Variants in STX5 observed in about 807,000 individuals in gnomAD.
STX5 encodes syntaxin-5.
In STX5, 15 loss-of-function variants were observed where a neutral mutation model predicts 42.9. That is an observed-to-expected ratio of 0.35 (90% CI 0.23 to 0.54). The LOEUF (loss-of-function observed/expected upper bound fraction) is 0.54. Ranked by LOEUF, STX5 falls within the 20% of genes least tolerant of loss-of-function variation. The probability of loss-of-function intolerance (pLI) is 0.91; values close to 1 mark genes in which losing one functional copy is unlikely to be tolerated. For synonymous variants in STX5, 184 were observed against 173.2 expected, an observed-to-expected ratio of 1.06 and a Z score of -0.49; for missense variants, 430 against 455.0, an observed-to-expected ratio of 0.95 and a Z score of 0.50.
Position 62,824,498 on chromosome 11 carries a change from G to A in STX5, c.747C>T (p.Asp249=). The stretch of plus-strand genomic sequence containing the variant: ...GCTGCAGCTGCTGGCTGGTCCGAGA[G>A]TCCATCATGTCGATGGCGACATCCT... ...ASKDVAIDMM[D]SRTSQQLQLI... is the part of the protein sequence containing the mutation. Residue 249 remains aspartate (D), a synonymous_variant, in exon 9 of 11, where the codon GAC becomes GAT. Transcript: ENST00000294179. The A allele has an allele frequency of 6.2e-7, 1 of 1,614,188 alleles. No individual in the cohort carries two copies. The highest frequency in any genetic ancestry group is 8.5e-7 in the Non-Finnish European group (1 of 1,180,038).
chr11:62,830,925 C>T (rs2084850141), intron 2 of STX5, 94 bp downstream of exon 2: 5 of 1,157,058 alleles, frequency 4.3e-6, no homozygotes, highest in Non-Finnish European at 6.3e-6. Flanking sequence ...CATCAGGTAC[C>T]CCCCAAAATT....
chr11:62,807,794 T>G, intron 10 of STX5, 166 bp from the exon 11 acceptor site: 1 of 1,339,366 alleles, frequency 7.5e-7, no homozygotes. Flanking sequence ...AAGTTATTTC[T>G]GGTTTGAAAA....
chr11:62,807,830 G>A (rs2084569843), intron 10 of STX5: 1 of 956,834 alleles, frequency 1.0e-6, no homozygotes, highest in Non-Finnish European at 1.5e-6. Flanking sequence ...ATTAGCTTAA[G>A]ACTCTAAGTT....
intron 10 of STX5, among the ~76,000 whole-genome samples, chr11:62,823,006 C>G (rs1441099262): frequency 6.6e-6 from 1 of 152,112 alleles, no homozygotes; most frequent in Non-Finnish European, 1.5e-5. Flanking sequence ...TTGATTCTTG[C>G]TATGGTGAGA....
chr11:62,827,009 C>T, intron 5 of STX5, 146 bp downstream of exon 5: 1 of 681,606 alleles, frequency 1.5e-6, no homozygotes, highest in Non-Finnish European at 2.5e-6. Flanking sequence ...TAGGTCACAC[C>T]ACTACACTCC....
rs747098948 is a variant in STX5 at position 62,825,011 on chromosome 11, G to A, written c.679+25C>T. The A allele has an allele frequency of 1.6e-5, 25 of 1,611,694 alleles. No homozygotes were observed. In the East Asian group the frequency reaches 5.3e-4, roughly 34 times the overall value. The stretch of plus-strand genomic sequence containing the variant: ...AGAGTAAGTAACCTTACCTCCCAGG[G>A]CTCCCCGTTTTACCTGTGACTTACC... On this transcript the variant is annotated intron_variant, in intron 8 of 10. Coordinates refer to ENST00000294179, the MANE Select transcript of STX5 (RefSeq NM_003164.5).
At chr11:62,829,142 C>T (rs1304476848) in intron 2 of STX5, among the ~76,000 whole-genome samples, 2 of 152,046 alleles carry the variant, frequency 1.3e-5, no homozygotes, top group Non-Finnish European at 2.9e-5. Context: ...AAAACACTCC[C>T]GGCTGGGTAC....
intron 10 of STX5, among the ~76,000 whole-genome samples, chr11:62,809,375 T>C (rs11231227): frequency 0.084 from 12,603 of 150,034 alleles, 655 homozygotes; most frequent in East Asian, 0.15. Context: ...ATTTTCTTAG[T>C]TTGAAAATGA....
chr11:62,807,229 A>T lies in STX5; in HGVS notation c.*240T>A. 2.3e-6 allele frequency: 1 copy of T among 441,420 alleles called. No homozygotes were observed. The highest frequency in any genetic ancestry group is 3.8e-6 in the Non-Finnish European group (1 of 259,884). 27.3% of individuals were successfully genotyped at this position (441,420 alleles called of 1,614,324 possible). A position where few individuals can be genotyped will look rare whatever the true frequency, so the allele number is the denominator to read the frequency against. On this transcript the variant is annotated 3_prime_UTR_variant, in exon 11 of 11. Transcript: ENST00000294179. ...AGCTGGCCTCTGCTCCCTTCCAGTC[A>T]CTTCACAGCAGAGTTCAAATCTAGA...
At chr11:62,818,880 A>ACAACTGTATATCCAGAATTCTATATC (rs2084705693) in intron 10 of STX5, among the ~76,000 whole-genome samples, 1 of 151,278 alleles carries the variant, frequency 6.6e-6, no homozygotes, top group Non-Finnish European at 1.5e-5. Context: ...AAAAGAAAAA[A>ACAACTGTATATCCAGAATTCTATATC]CAACTGTATA....
Position 62,824,298 on chromosome 11 carries a change from G to A in STX5, c.787-11C>T. 1 of 1,614,192 alleles carries A rather than the reference G, an allele frequency of 6.2e-7. No individual in the cohort carries two copies. The highest frequency in any genetic ancestry group is 8.5e-7 in the Non-Finnish European group (1 of 1,180,050). ...CTGGATGTAGGAATCCTTCAGGAGAGGGAGAGAGCACATGAGCACCAACAG... is the reference window on the plus strand; with the variant it reads ...CTGGATGTAGGAATCCTTCAGGAGAAGGAGAGAGCACATGAGCACCAACAG... On this transcript the variant is annotated splice_polypyrimidine_tract_variant and intron_variant, in intron 9 of 10. Coordinates refer to ENST00000294179, the MANE Select transcript of STX5 (RefSeq NM_003164.5).
In STX5 at chr11:62,827,345, A is replaced by T. The variant is rs1792044603; in HGVS notation, c.350T>A (p.Ile117Asn). 1.9e-6 allele frequency: 3 copies of T among 1,614,200 alleles called. No homozygotes were observed. The highest frequency in any genetic ancestry group is 2.5e-6 in the Non-Finnish European group (3 of 1,180,036). ...TGAAAGACCCCAAGAACACTCACAG[A>T]TTGTCAGCTTCTCCAGCTTGGCAAA... ...NTFAKLEKLTILAKRKSLFDD... is the reference protein window; with the variant it reads ...NTFAKLEKLTNLAKRKSLFDD... Residue 117 changes from isoleucine to asparagine, a missense_variant and splice_region_variant, in exon 4 of 11, where the codon ATC (isoleucine) becomes AAC (asparagine). Ile to Asn is a moderately radical substitution (Grantham distance 149). Coordinates refer to ENST00000294179, the MANE Select transcript of STX5 (RefSeq NM_003164.5).
At chr11:62,808,666 C>G (rs183226929) in intron 10 of STX5, among the ~76,000 whole-genome samples, 8 of 152,158 alleles carry the variant, frequency 5.3e-5, no homozygotes, top group Non-Finnish European at 7.4e-5. Context: ...ATGGGACTTG[C>G]GGATGCATGG....
chr11:62,809,440 C>T (rs1282438995), intron 10 of STX5, among the ~76,000 whole-genome samples: 4 of 151,032 alleles, frequency 2.6e-5, no homozygotes, highest in Middle Eastern at 3.5e-3. Flanking sequence ...TTTGGGAGGC[C>T]GAGGTGGGTG....
In STX5 at chr11:62,807,466, G is replaced by C. The variant is rs747566315; in HGVS notation, c.*3C>G. ...CAACAGAGTGCCTCAGAGTAGAGAG[G>C]GTTCAAGCAAGGAAGACCACAAAGA... is the stretch of plus-strand genomic sequence containing the variant. On this transcript the variant is annotated 3_prime_UTR_variant, in exon 11 of 11. Transcript: ENST00000294179. The C allele has an allele frequency of 3.1e-6, 5 of 1,613,440 alleles. No homozygotes were observed. The highest frequency in any genetic ancestry group is 4.2e-6 in the Non-Finnish European group (5 of 1,179,826).
At chr11:62,831,358 C>T (rs1299854790) in intron 1 of STX5, 96 bp from the exon 2 acceptor site, 3 of 958,772 alleles carry the variant, frequency 3.1e-6, no homozygotes, top group African/African-American at 1.6e-5. Context: ...CCCTTCTGCA[C>T]TTCTCGTGGA....
chr11:62,830,956 A>G, intron 2 of STX5, 63 bp downstream of exon 2: 4 of 1,427,754 alleles, frequency 2.8e-6, no homozygotes, highest in Non-Finnish European at 3.9e-6. Flanking sequence ...ACAGTGGTGG[A>G]GCACAGTCCT....
At chr11:62,817,345 C>T (rs1228947953) in intron 10 of STX5, among the ~76,000 whole-genome samples, 6 of 152,150 alleles carry the variant, frequency 3.9e-5, no homozygotes, top group African/African-American at 1.2e-4. Context: ...TCTCAATCCT[C>T]GAGGTTCTGC....
chr11:62,829,922 G>A (rs1349859397), intron 2 of STX5, among the ~76,000 whole-genome samples: 3 of 151,582 alleles, frequency 2.0e-5, no homozygotes, highest in African/African-American at 4.9e-5. Context: ...AAAATTAGCC[G>A]GGCGTGGTGA....
Sources: allele counts gnomAD v4.1 joint callset (sites outside exome capture counted in the v4.1 genomes callset), GRCh38; gene constraint gnomAD v4.1.1; transcripts MANE v1.5; gene names NCBI Gene and HGNC (gene_info 2026-07-23, HGNC 2026-07-21).